STAC3: variants seen among roughly 807,000 people sequenced by gnomAD.
STAC3 encodes the protein SH3 and cysteine rich domain 3.
Under a neutral mutation model 48.5 loss-of-function variants are expected in STAC3, and 30 were observed. That is an observed-to-expected ratio of 0.62 (90% CI 0.46 to 0.84). STAC3 has a LOEUF of 0.84. STAC3 is among the 40% of genes least tolerant of loss of function. The pLI, the probability that STAC3 is intolerant of heterozygous loss-of-function variation, is 0.00. For synonymous variants in STAC3, 144 were observed against 158.6 expected (o/e 0.91, Z 0.69); for missense variants, 419 against 462.6 (o/e 0.91, Z 0.86).
chr12:57,246,575 A>T (rs2037746933), intron 6 of STAC3, among the ~76,000 whole-genome samples: 1 of 152,010 alleles, frequency 6.6e-6, no homozygotes, highest in Non-Finnish European at 1.5e-5. Context: ...TAGTAGAGAC[A>T]GGGTTTCACC....
chr12:57,249,755 T>G (rs1812849065), intron 1 of STAC3, 118 bp from the exon 2 acceptor site: 1 of 1,119,076 alleles, frequency 8.9e-7, no homozygotes, highest in South Asian at 1.4e-5. Flanking sequence ...TGATGAGAGA[T>G]TTTGCTGTTG....
At chr12:57,250,112 G>A (rs1026110187) in intron 1 of STAC3, among the ~76,000 whole-genome samples, 3 of 152,068 alleles carry the variant, frequency 2.0e-5, no homozygotes, top group African/African-American at 4.8e-5. Context: ...TAACATGGCC[G>A]GGTGTGGTGG....
At chr12:57,248,297 G>C in intron 4 of STAC3, 99 bp from the exon 5 acceptor site, 1 of 998,246 alleles carries the variant, frequency 1.0e-6, no homozygotes, top group Admixed American at 1.7e-5. Context: ...AAAAGAGATG[G>C]GCTGAGAAAG....
At chr12:57,249,464 G>C in intron 2 of STAC3, 107 bp downstream of exon 2, 3 of 1,520,858 alleles carry the variant, frequency 2.0e-6, no homozygotes, top group Non-Finnish European at 2.7e-6. Flanking sequence ...GCAGGTGCTG[G>C]CCAGCAAAAA....
At position 57,249,206 on chromosome 12, in the gene STAC3, C is replaced by T; in HGVS notation, c.169G>A (p.Gly57Ser). The change falls in exon 3 of 12, where the codon GGT becomes AGT. Residue 57 changes from glycine (G) to serine (S), a missense_variant. Physicochemically the swap from Gly to Ser is moderately conservative, Grantham distance 56. Coordinates refer to ENST00000332782, the MANE Select transcript of STAC3 (RefSeq NM_145064.3). ...TCATAGATGTAGTAGATGGGCCCAC[C>T]CCCAGCTCCCACTGCCTCCCCATTG... ...QANGEAVGAG[G>S]GPIYYIYEEE... The T allele has an allele frequency of 6.2e-7, 1 of 1,614,078 alleles. No individual in the cohort carries two copies. Among genetic ancestry groups the T allele is most frequent in the Non-Finnish European group, 8.5e-7 (1 of 1,180,020 alleles).
intron 5 of STAC3, among the ~76,000 whole-genome samples, chr12:57,247,138 A>G (rs914960982): frequency 6.6e-6 from 1 of 152,128 alleles, no homozygotes; most frequent in African/African-American, 2.4e-5. Flanking sequence ...TATTTATTAG[A>G]ACTCCTTCCA....
intron 6 of STAC3, among the ~76,000 whole-genome samples, chr12:57,246,355 C>A (rs1230425237): frequency 1.3e-5 from 2 of 149,580 alleles, no homozygotes; most frequent in Non-Finnish European, 3.0e-5. Context: ...TTTATCTTTT[C>A]TTTTCCCTTC....
rs1488479214 is a variant in STAC3, at chr12:57,243,559, G to T, written c.*253C>A. On this transcript the variant is annotated 3_prime_UTR_variant, in exon 12 of 12. Coordinates refer to ENST00000332782, the MANE Select transcript of STAC3 (RefSeq NM_145064.3). ...CCCTGGCTCCTCCTAGTAGATACGC[G>T]TTTTTTTCCAGCTCTTGCAAGCGGG... is the stretch of plus-strand genomic sequence containing the variant. 4.4e-6 allele frequency: 3 copies of T among 674,594 alleles called. No individual in the cohort carries two copies. Among genetic ancestry groups the T allele is most frequent in the East Asian group, 5.8e-5 (2 of 34,460 alleles). 41.8% of individuals were successfully genotyped at this position (674,594 alleles called of 1,614,324 possible). A position where few individuals can be genotyped will look rare whatever the true frequency, so the allele number is the denominator to read the frequency against.
intron 8 of STAC3, 100 bp from the exon 9 acceptor site, chr12:57,244,722 A>C: frequency 3.4e-6 from 5 of 1,457,042 alleles, no homozygotes; most frequent in African/African-American, 1.4e-5. Context: ...CTACACTCCA[A>C]CTCTCTTCTA....
chr12:57,247,984 AATG>A, intron 5 of STAC3, 139 bp downstream of exon 5: 1 of 788,868 alleles, frequency 1.3e-6, no homozygotes, highest in South Asian at 1.4e-5. Context: ...TCTGCATCCA[AATG>A]GATATAAAAA....
At chr12:57,245,516 G>A (rs1305727634) in intron 6 of STAC3, among the ~76,000 whole-genome samples, 1 of 151,904 alleles carries the variant, frequency 6.6e-6, no homozygotes, top group Non-Finnish European at 1.5e-5. Context: ...GACTACAGGC[G>A]CCTGCCACCA....
At chr12:57,249,541 C>T (rs551934915) in intron 2 of STAC3, 30 bp downstream of exon 2, 4 of 1,612,710 alleles carry the variant, frequency 2.5e-6, no homozygotes, top group East Asian at 2.2e-5. Flanking sequence ...CCCAGCCCCC[C>T]ACACCCAGTG....
rs777267022 is a variant in STAC3, at chr12:57,244,314, C to G, written c.858+1G>C. On this transcript the variant is annotated splice_donor_variant, in intron 10 of 11. Transcript: ENST00000332782. LOFTEE classifies it high-confidence loss of function. ...ACCCTAGCCCTAGCCATTTCTCTCA[C>G]CCGCCACCATTCTTCATTGGAGTCA... 1 of 1,614,198 alleles carries G rather than the reference C, an allele frequency of 6.2e-7. No homozygotes were observed. Among genetic ancestry groups the G allele is most frequent in the Admixed American group, 1.7e-5 (1 of 60,030 alleles).
In STAC3 at chr12:57,244,080, C is replaced by G. The variant is rs1225718509; in HGVS notation, c.996+8G>C. 2 of 1,614,112 alleles carry G rather than the reference C, an allele frequency of 1.2e-6. No homozygotes were observed. Among genetic ancestry groups the G allele is most frequent in the Middle Eastern group, 1.7e-4 (1 of 6,060 alleles). On this transcript the variant is annotated splice_region_variant and intron_variant, in intron 11 of 11. Coordinates refer to ENST00000332782, the MANE Select transcript of STAC3 (RefSeq NM_145064.3). ...CAGGCCTGGGATTGGGTTGGGGCAA[C>G]AGCCTACCTGGTCCTTCTTGAGAGT... is the stretch of plus-strand genomic sequence containing the variant.
Position 57,249,148 on chromosome 12 carries a change from T to C in STAC3, c.227A>G (p.Glu76Gly), listed in dbSNP as rs781308396. The C allele has an allele frequency of 6.2e-7, 1 of 1,612,380 alleles. No individual in the cohort carries two copies. The highest frequency in any genetic ancestry group is 1.3e-5 in the African/African-American group (1 of 74,878). The change falls in exon 3 of 12, where the codon GAG (glutamate) becomes GGG (glycine). Residue 76 changes from glutamate (E) to glycine (G), a missense_variant. Transcript: ENST00000332782. ...CAGCTTAGGAGGTTCTGGGGGTGGC[T>C]CCTCCTCCTCCTCTTCTTCCTCTTC... ...EEEEEEEEEEEPPPEPPKLVN... is the reference protein window; with the variant it reads ...EEEEEEEEEEGPPPEPPKLVN...
In STAC3 at chr12:57,243,539, G is replaced by C. The variant is rs926163301; in HGVS notation, c.*273C>G. 7 of 645,696 alleles carry C rather than the reference G, an allele frequency of 1.1e-5. No homozygotes were observed. In the African/African-American group the frequency reaches 1.3e-4, roughly 12 times the overall value. The allele number at this position is 645,696 out of a possible 1,614,324, so 40.0% of individuals were successfully genotyped here. A position where few individuals can be genotyped will look rare whatever the true frequency, so the allele number is the denominator to read the frequency against. ...CCCCCGCCCCCCGCCCCAGTCCCTG[G>C]CTCCTCCTAGTAGATACGCGTTTTT... On this transcript the variant is annotated 3_prime_UTR_variant, in exon 12 of 12. Coordinates refer to ENST00000332782, the MANE Select transcript of STAC3 (RefSeq NM_145064.3).
At position 57,248,115 on chromosome 12, in the gene STAC3, A is replaced by C; in HGVS notation, c.505+11T>G. On this transcript the variant is annotated intron_variant, in intron 5 of 11. Transcript: ENST00000332782. ...TTGCCCATTCCCTCATGTTCCATAA[A>C]GGGCACTTACAGAGATCTTTGACAC... is the stretch of plus-strand genomic sequence containing the variant. 2 of 1,611,418 alleles carry C rather than the reference A, an allele frequency of 1.2e-6. No homozygotes were observed. Among genetic ancestry groups the C allele is most frequent in the Non-Finnish European group, 1.7e-6 (2 of 1,177,504 alleles).
Position 57,245,130 on chromosome 12 carries a change from G to A in STAC3, c.670+15C>T. ...GATCCTACTCCATCTCTGGATGGAG[G>A]TGGGTAACACTCACCATCCTGGGGT... is the stretch of plus-strand genomic sequence containing the variant. On this transcript the variant is annotated intron_variant, in intron 7 of 11. Transcript: ENST00000332782. 1.1e-5 allele frequency: 17 copies of A among 1,613,464 alleles called. No homozygotes were observed. The highest frequency in any genetic ancestry group is 1.4e-5 in the Non-Finnish European group (16 of 1,179,466).
In STAC3 at chr12:57,245,112, C is replaced by T. The variant is rs73120041; in HGVS notation, c.670+33G>A. ...TTCCACAGCTGAGCCTCTGATCCTA[C>T]TCCATCTCTGGATGGAGGTGGGTAA... is the stretch of plus-strand genomic sequence containing the variant. On this transcript the variant is annotated intron_variant, in intron 7 of 11. Coordinates refer to ENST00000332782, the MANE Select transcript of STAC3 (RefSeq NM_145064.3). 28,672 of 1,613,108 alleles carry T rather than the reference C, an allele frequency of 0.018. 360 individuals are homozygous for T. Among genetic ancestry groups the T allele is most frequent in the Non-Finnish European group, 0.021 (24,757 of 1,179,126 alleles).
Sources: allele counts gnomAD v4.1 joint callset (sites outside exome capture counted in the v4.1 genomes callset), GRCh38; gene constraint gnomAD v4.1.1; transcripts MANE v1.5; gene names NCBI Gene and HGNC (gene_info 2026-07-23, HGNC 2026-07-21).